Variants in MPZL2 observed in about 807,000 individuals in gnomAD.
MPZL2 encodes the protein myelin protein zero like 2.
Under a neutral mutation model 24.5 loss-of-function variants are expected in MPZL2, and 32 were observed. The observed-to-expected ratio is 1.31, with a 90% CI of 0.99 to 1.76. The LOEUF (loss-of-function observed/expected upper bound fraction) is 1.76, where lower values mean the gene tolerates loss of function less well. Among genes scored for constraint, MPZL2 ranks in the 40% most tolerant of loss-of-function variants. The pLI is 0.00. For missense variants in MPZL2, 304 were observed against 274.9 expected, an observed-to-expected ratio of 1.11 and a Z score of -0.75; for synonymous variants, 92 against 97.9, an observed-to-expected ratio of 0.94 and a Z score of 0.36.
chr11:118,253,585 A>T lies in MPZL2; in HGVS notation c.*1661T>A, dbSNP rs2134725620. On this transcript the variant is annotated 3_prime_UTR_variant, in exon 6 of 6. Transcript: ENST00000278937. ...AGACATAAGCTACAAATTTTGCCGGAAAAACTGTCCATACATTTTTAACTA... is the reference window on the plus strand; with the variant it reads ...AGACATAAGCTACAAATTTTGCCGGTAAAACTGTCCATACATTTTTAACTA... 1 of 152,310 alleles carries T rather than the reference A, an allele frequency of 6.6e-6. No individual in the cohort carries two copies. The highest frequency in any genetic ancestry group is 1.9e-4 in the East Asian group (1 of 5,190). 9.4% of individuals were successfully genotyped at this position (152,310 alleles called of 1,614,324 possible). A position where few individuals can be genotyped will look rare whatever the true frequency, so the allele number is the denominator to read the frequency against.
chr11:118,257,170 C>T (rs1256575888), intron 5 of MPZL2, 68 bp downstream of exon 5: 1 of 1,146,018 alleles, frequency 8.7e-7, no homozygotes, highest in Non-Finnish European at 1.3e-6. Flanking sequence ...ATCTGGGAGT[C>T]CTCATTAGAG....
intron 1 of MPZL2, 111 bp from the exon 2 acceptor site, chr11:118,263,208 C>T: frequency 8.7e-7 from 1 of 1,146,464 alleles, no homozygotes; most frequent in Non-Finnish European, 1.2e-6. Context: ...TAAAGTGAAA[C>T]TGAGATGCCC....
intron 5 of MPZL2, among the ~76,000 whole-genome samples, chr11:118,255,930 GATTGTGTTC>G (rs758628637): frequency 1.3e-5 from 2 of 152,096 alleles, no homozygotes; most frequent in Non-Finnish European, 2.9e-5. Context: ...ATTGCACTTT[GATTGTGTTC>G]ATCTCTTAAG....
At chr11:118,256,725 T>A (rs1456859275) in intron 5 of MPZL2, among the ~76,000 whole-genome samples, 1 of 152,186 alleles carries the variant, frequency 6.6e-6, no homozygotes, top group Non-Finnish European at 1.5e-5. Context: ...AATAAAATTA[T>A]ACGCTACTAA....
chr11:118,257,393 T>C (rs1949668492), intron 4 of MPZL2, 80 bp from the exon 5 acceptor site: 1 of 1,170,326 alleles, frequency 8.5e-7, no homozygotes, highest in South Asian at 1.3e-5. Flanking sequence ...TCAGGTAAGG[T>C]ATTTTTCCCC....
In MPZL2 at chr11:118,255,228, A is replaced by G. The variant is rs1949653591; in HGVS notation, c.*18T>C. ...GGTTCTTGTTCTTGGAAATCATCTC[A>G]GCTTCCTAAAACACAAAACAAAAGT... On this transcript the variant is annotated 3_prime_UTR_variant, in exon 6 of 6. Coordinates refer to ENST00000278937, the MANE Select transcript of MPZL2 (RefSeq NM_005797.4). 6.6e-6 allele frequency: 1 copy of G among 152,216 alleles called. No individual in the cohort carries two copies. The highest frequency in any genetic ancestry group is 1.5e-5 in the Non-Finnish European group (1 of 68,034). 9.4% of individuals were successfully genotyped at this position (152,216 alleles called of 1,614,324 possible).
chr11:118,262,919 T>C lies in MPZL2; in HGVS notation c.225+12A>G. ...ACAAGAGTACCCTGGAAAATGATGA[T>C]AATCTACTTACAAACTGCTCAGGTC... On this transcript the variant is annotated intron_variant, in intron 2 of 5. Coordinates refer to ENST00000278937, the MANE Select transcript of MPZL2 (RefSeq NM_005797.4). The C allele has an allele frequency of 6.2e-7, 1 of 1,611,826 alleles. No homozygotes were observed. Among genetic ancestry groups the C allele is most frequent in the Non-Finnish European group, 8.5e-7 (1 of 1,179,174 alleles).
In MPZL2 at chr11:118,254,728, A is replaced by T. The variant is rs943174013; in HGVS notation, c.*518T>A. On this transcript the variant is annotated 3_prime_UTR_variant, in exon 6 of 6. Transcript: ENST00000278937. ...AGTTAAGGAGAGACATAAAAATAAA[A>T]ATGTCATTTAACAGTTTGAATTTAG... The T allele has an allele frequency of 2.0e-5, 3 of 152,258 alleles. No individual in the cohort carries two copies. The highest frequency in any genetic ancestry group is 4.4e-5 in the Non-Finnish European group (3 of 68,042). 9.4% of individuals were successfully genotyped at this position (152,258 alleles called of 1,614,324 possible).
In MPZL2 at chr11:118,264,162, C is replaced by T. The variant is rs188934698; in HGVS notation, c.-9G>A. On this transcript the variant is annotated 5_prime_UTR_variant, in exon 1 of 6. Coordinates refer to ENST00000278937, the MANE Select transcript of MPZL2 (RefSeq NM_005797.4). ...GAGCTCTTGCCATACATGAGGGAAA[C>T]CCAGCCTTGGCCCCAGAGACCGGAC... 10,302 of 1,614,006 alleles carry T rather than the reference C, an allele frequency of 6.4e-3. 67 individuals carry two copies. The highest frequency in any genetic ancestry group is 0.02 in the South Asian group (1,785 of 91,082).
chr11:118,261,911 A>G (rs562437961), intron 3 of MPZL2, among the ~76,000 whole-genome samples: 1 of 152,334 alleles, frequency 6.6e-6, no homozygotes, highest in South Asian at 2.1e-4. Context: ...CATTAAATGC[A>G]CAATAAACTG....
At chr11:118,255,875 C>A (rs941025039) in intron 5 of MPZL2, among the ~76,000 whole-genome samples, 43 of 152,170 alleles carry the variant, frequency 2.8e-4, no homozygotes, top group African/African-American at 1.0e-3. Context: ...CTTGTTTTTA[C>A]AACTAGCTTG....
chr11:118,260,296 G>A, intron 3 of MPZL2, 95 bp from the exon 4 acceptor site: 1 of 1,293,580 alleles, frequency 7.7e-7, no homozygotes, highest in Non-Finnish European at 1.1e-6. Flanking sequence ...TCAATAGATG[G>A]AATCTTCCTT....
intron 4 of MPZL2, among the ~76,000 whole-genome samples, chr11:118,258,973 A>G (rs1201163071): frequency 1.3e-5 from 2 of 149,578 alleles, no homozygotes; most frequent in African/African-American, 4.9e-5. Context: ...GGGTTTTTTT[A>G]TATAGCAACA....
At chr11:118,257,017 T>A in intron 5 of MPZL2, 1 of 344,716 alleles carries the variant, frequency 2.9e-6, no homozygotes, top group Non-Finnish European at 5.2e-6. Context: ...TCAGCTTTAA[T>A]GGCAGTAGAG....
chr11:118,261,901 C>A (rs542946648), intron 3 of MPZL2, among the ~76,000 whole-genome samples: 2 of 152,244 alleles, frequency 1.3e-5, no homozygotes, highest in South Asian at 4.1e-4. Flanking sequence ...AGATGGGAGG[C>A]ATTAAATGCA....
intron 1 of MPZL2, chr11:118,263,350 T>A: frequency 2.3e-6 from 1 of 436,768 alleles, no homozygotes; most frequent in Non-Finnish European, 4.1e-6. Flanking sequence ...TCCACAGCAT[T>A]AAAGCCTCGC....
chr11:118,261,106 A>C (rs1949697731), intron 3 of MPZL2, among the ~76,000 whole-genome samples: 1 of 152,236 alleles, frequency 6.6e-6, no homozygotes, highest in African/African-American at 2.4e-5. Context: ...ACATATATTT[A>C]AGAACCACTG....
Position 118,260,151 on chromosome 11 carries a change from CA to C in MPZL2, c.486del (p.Cys162TrpfsTer3). Reference protein sequence around the residue: ...HFLALAIGSACALMIIIVIVV... With the variant: ...HFLALAIGSAXALMIIIVIVV... The stretch of plus-strand genomic sequence containing the variant: ...ACAATTACTATTATGATCATCAGTG[CA>C]CAGGCAGAGCCAATGGCCAGAGCCA... On this transcript the variant is annotated frameshift_variant, in exon 4 of 6. Coordinates refer to ENST00000278937, the MANE Select transcript of MPZL2 (RefSeq NM_005797.4). LOFTEE classifies it high-confidence loss of function. The C allele has an allele frequency of 9.3e-6, 15 of 1,614,092 alleles. No individual in the cohort carries two copies. Among genetic ancestry groups the C allele is most frequent in the Non-Finnish European group, 1.2e-5 (14 of 1,179,974 alleles).
chr11:118,262,514 T>C lies in MPZL2; in HGVS notation c.360A>G (p.Thr120=). The C allele has an allele frequency of 6.2e-7, 1 of 1,614,190 alleles. No homozygotes were observed. The highest frequency in any genetic ancestry group is 1.3e-5 in the African/African-American group (1 of 75,048). ...LWKLQFDDNG[T]YTCQVKNPPD... ...GTGGGTTCTTCACCTGGCAGGTGTA[T>C]GTCCCATTGTCGTCGAACTGCAGTT... Residue 120 remains threonine, a synonymous_variant, in exon 3 of 6, where the codon ACA becomes ACG. Coordinates refer to ENST00000278937, the MANE Select transcript of MPZL2 (RefSeq NM_005797.4).
Sources: gnomAD v4.1 joint callset for allele counts (sites outside exome capture counted in the v4.1 genomes callset) on GRCh38, gnomAD v4.1.1 for gene constraint, MANE v1.5 for transcripts, NCBI Gene and HGNC (gene_info 2026-07-23, HGNC 2026-07-21) for gene names.